Variants in KANSL3 observed in about 807,000 individuals in gnomAD.
KANSL3 encodes the protein KAT8 regulatory NSL complex subunit 3.
In KANSL3, 16 loss-of-function variants were observed where a neutral mutation model predicts 89.2. That is an observed-to-expected ratio of 0.18 (90% CI 0.12 to 0.27). The LOEUF (loss-of-function observed/expected upper bound fraction) is 0.27, where lower values mean the gene tolerates loss of function less well. KANSL3 is among the 10% of genes least tolerant of loss of function. KANSL3 has a pLI of 1.00. For synonymous variants in KANSL3, 385 were observed against 419.7 expected (o/e 0.92, Z 1.01); for missense variants, 879 against 1,110.6 (o/e 0.79, Z 2.96).
chr2:96,597,111 A>G (rs2066612556), intron 20 of KANSL3, among the ~76,000 whole-genome samples: 1 of 152,186 alleles, frequency 6.6e-6, no homozygotes, highest in African/African-American at 2.4e-5. Flanking sequence ...TTCCATCCAA[A>G]AATATTGCAG....
At chr2:96,623,379 A>T (rs1471380713) in intron 3 of KANSL3, among the ~76,000 whole-genome samples, 4 of 152,236 alleles carry the variant, frequency 2.6e-5, no homozygotes, top group Non-Finnish European at 5.9e-5. Context: ...GTAAGAGACC[A>T]GCATCCTTTC....
intron 17 of KANSL3, 190 bp downstream of exon 17, chr2:96,604,058 CTG>C: frequency 1.9e-6 from 1 of 522,812 alleles, no homozygotes; most frequent in Non-Finnish European, 3.2e-6. Context: ...CATTTACTCA[CTG>C]CATTTATTCA....
intron 2 of KANSL3, 129 bp downstream of exon 2, chr2:96,636,792 G>T: frequency 1.3e-6 from 1 of 759,172 alleles, no homozygotes; most frequent in Non-Finnish European, 2.1e-6. Context: ...CTGCTTAAGA[G>T]ATGCCTGAAT....
intron 3 of KANSL3, among the ~76,000 whole-genome samples, chr2:96,621,387 G>A (rs1573534809): frequency 6.6e-6 from 1 of 151,890 alleles, no homozygotes; most frequent in Admixed American, 6.6e-5. Flanking sequence ...GGTGGCATGC[G>A]CCTGTAGTCC....
In KANSL3 at chr2:96,610,899, G is replaced by A; in HGVS notation, c.1162-16C>T. 6.2e-7 allele frequency: 1 copy of A among 1,610,602 alleles called. No individual in the cohort carries two copies. The highest frequency in any genetic ancestry group is 8.5e-7 in the Non-Finnish European group (1 of 1,177,068). On this transcript the variant is annotated splice_polypyrimidine_tract_variant and intron_variant, in intron 10 of 20. Coordinates refer to ENST00000431828, the MANE Select transcript of KANSL3 (RefSeq NM_001115016.3). ...CATCTACATCCTAAAACAGGTATAG[G>A]TTTTAGAATCGGCTTCTTCATATTC... is the stretch of plus-strand genomic sequence containing the variant.
chr2:96,610,085 C>T (rs2105381784), intron 11 of KANSL3, among the ~76,000 whole-genome samples: 1 of 149,722 alleles, frequency 6.7e-6, no homozygotes, highest in Non-Finnish European at 1.5e-5. Flanking sequence ...GGATGCTGGA[C>T]CAGAAAAATG....
At position 96,604,829 on chromosome 2, in the gene KANSL3, C is replaced by A. The variant is rs773013295; in HGVS notation, c.1968G>T (p.Gly656=). ...GCTCCTTGGCCCCTGCTGAAGCCTG[C>A]CCCAGTGTCATGGTGATGGGCTTCC... The part of the protein sequence containing the change: ...AGGKPITMTL[G]QASAGAKELT... The change falls in exon 16 of 21, where the codon GGG becomes GGT. Residue 656 remains glycine, a synonymous_variant. Coordinates refer to ENST00000431828, the MANE Select transcript of KANSL3 (RefSeq NM_001115016.3). 1 of 1,599,940 alleles carries A rather than the reference C, an allele frequency of 6.3e-7. No individual in the cohort carries two copies. The highest frequency in any genetic ancestry group is 1.7e-5 in the Admixed American group (1 of 58,030).
intron 3 of KANSL3, chr2:96,627,778 G>A (rs575195049): frequency 2.4e-5 from 12 of 495,564 alleles, no homozygotes; most frequent in East Asian, 2.1e-4. Context: ...ATGGCAACAC[G>A]ATGATTATAA....
intron 3 of KANSL3, among the ~76,000 whole-genome samples, chr2:96,621,929 C>T (rs1371697934): frequency 6.6e-6 from 1 of 151,780 alleles, no homozygotes; most frequent in African/African-American, 2.4e-5. Flanking sequence ...GCCTGGCCAA[C>T]ACAGTGAAAC....
chr2:96,631,170 C>A, intron 3 of KANSL3, 142 bp downstream of exon 3: 1 of 657,154 alleles, frequency 1.5e-6, no homozygotes. Context: ...GCATGGTGAA[C>A]TGAGAGTTAT....
Position 96,611,903 on chromosome 2 carries a change from A to ATGTGTGTGTGTGTGTGTGTGTG in KANSL3, c.1086+357_1086+378dup, listed in dbSNP as rs59217274. On this transcript the variant is annotated intron_variant, in intron 9 of 20. Transcript: ENST00000431828. ...TTTTTTTCCACAGATATATACCCAT[A>ATGTGTGTGTGTGTGTGTGTGTG]TGTGTGTGTGTGTGTGTGTGTGTGT... Among the ~76,000 whole-genome samples, 548 of 113,308 alleles carry ATGTGTGTGTGTGTGTGTGTGTG rather than the reference A, an allele frequency of 4.8e-3. 10 individuals are homozygous for ATGTGTGTGTGTGTGTGTGTGTG. The highest frequency in any genetic ancestry group is 0.011 in the African/African-American group (286 of 27,158). The allele number at this position is 113,308 out of a possible 152,430, so 74.3% of individuals were successfully genotyped here.
At chr2:96,613,354 G>C in intron 6 of KANSL3, 134 bp downstream of exon 6, 2 of 734,816 alleles carry the variant, frequency 2.7e-6, no homozygotes, top group Non-Finnish European at 4.2e-6. Flanking sequence ...CTGGGTAACA[G>C]AGCAAGATTC....
In KANSL3 at chr2:96,595,390, G is replaced by A. The variant is rs2066445844; in HGVS notation, c.*221C>T. ...TCTGCTGAGGAGTCTGGGGTTCCCAGGAACCAGATTTGCAGATCCTGGACG... is the reference window on the plus strand; with the variant it reads ...TCTGCTGAGGAGTCTGGGGTTCCCAAGAACCAGATTTGCAGATCCTGGACG... On this transcript the variant is annotated 3_prime_UTR_variant, in exon 21 of 21. Transcript: ENST00000431828. 1.9e-6 allele frequency: 1 copy of A among 528,786 alleles called. No individual in the cohort carries two copies. Among genetic ancestry groups the A allele is most frequent in the Admixed American group, 3.4e-5 (1 of 29,610 alleles). The allele number at this position is 528,786 out of a possible 1,614,324, so 32.8% of individuals were successfully genotyped here. A position where few individuals can be genotyped will look rare whatever the true frequency, so the allele number is the denominator to read the frequency against.
the KANSL3 span, among the ~76,000 whole-genome samples, chr2:96,581,394 A>C: frequency 1.3e-5 from 2 of 151,786 alleles, no homozygotes; most frequent in Non-Finnish European, 2.9e-5. Context: ...ACTGTACTCC[A>C]GCCTGGGCGA....
At position 96,635,826 on chromosome 2, in the gene KANSL3, T is replaced by C. The variant is rs186104471; in HGVS notation, c.215+1095A>G. 2.3e-3 allele frequency among the ~76,000 whole-genome samples: 346 copies of C among 152,146 alleles called. 2 individuals carry two copies. The highest frequency in any genetic ancestry group is 8.0e-3 in the African/African-American group (334 of 41,496). ...TAACATGGTGGGTGGAAACCCTGTC[T>C]CTACTAAAAATACAAAAATTAGCCA... On this transcript the variant is annotated intron_variant, in intron 2 of 20. Coordinates refer to ENST00000431828, the MANE Select transcript of KANSL3 (RefSeq NM_001115016.3).
intron 17 of KANSL3, 134 bp from the exon 18 acceptor site, chr2:96,602,996 A>T: frequency 1.4e-6 from 1 of 721,956 alleles, no homozygotes; most frequent in Middle Eastern, 2.4e-4. Context: ...CCTCAGAGAG[A>T]AGGCAGGAAG....
At chr2:96,600,176 G>C (rs2066980594) in intron 20 of KANSL3, among the ~76,000 whole-genome samples, 1 of 152,062 alleles carries the variant, frequency 6.6e-6, no homozygotes, top group East Asian at 1.9e-4. Flanking sequence ...TATAAAAAAA[G>C]GCAAGTTACA....
intron 3 of KANSL3, chr2:96,628,061 G>C: frequency 7.7e-7 from 1 of 1,290,406 alleles, no homozygotes; most frequent in Non-Finnish European, 1.0e-6. Context: ...TGTCATAACA[G>C]AAGGGTGGTG....
chr2:96,621,371 G>T (rs754373208), intron 3 of KANSL3, among the ~76,000 whole-genome samples: 3 of 152,040 alleles, frequency 2.0e-5, no homozygotes, highest in Non-Finnish European at 4.4e-5. Flanking sequence ...AAAATTAGCT[G>T]GGCGTGGTGG....
Sources: allele counts gnomAD v4.1 joint callset (sites outside exome capture counted in the v4.1 genomes callset), GRCh38; gene constraint gnomAD v4.1.1; transcripts MANE v1.5; gene names NCBI Gene and HGNC (gene_info 2026-07-23, HGNC 2026-07-21).